The following DNAH5 variants were observed in gnomAD, a reference collection of about 807,000 sequenced individuals.
DNAH5 encodes axonemal beta dynein heavy chain 5.
A neutral mutation model predicts 518.2 loss-of-function variants in DNAH5; 372 were observed. That is an observed-to-expected ratio of 0.72 (90% CI 0.66 to 0.78). The LOEUF (loss-of-function observed/expected upper bound fraction) is 0.78, where lower values mean the gene tolerates loss of function less well. Ranked by LOEUF, DNAH5 falls within the 30% of genes least tolerant of loss-of-function variation. The pLI, the probability that DNAH5 is intolerant of heterozygous loss-of-function variation, is 0.00. For missense variants in DNAH5, 5,523 were observed against 5,687.0 expected (o/e 0.97, Z 0.93); for synonymous variants, 2,039 against 2,025.9 (o/e 1.01, Z -0.17).
chr5:13,701,513 A>T, intron 76 of DNAH5, 77 bp from the exon 77 acceptor site: 1 of 1,295,678 alleles, frequency 7.7e-7, no homozygotes, highest in Non-Finnish European at 1.1e-6. Context: ...TCACTGAAAA[A>T]AAAAAAAGAT....
chr5:13,944,665 T>C lies in DNAH5; in HGVS notation c.-227A>G, dbSNP rs1416898770. Reference sequence around the variant, plus strand: ...TAGAGTGTCTGCCCTGGGCCTCTCCTCTCTCTCGAAGCCTGGTGTTGTTAG... The same window carrying C: ...TAGAGTGTCTGCCCTGGGCCTCTCCCCTCTCTCGAAGCCTGGTGTTGTTAG... On this transcript the variant is annotated 5_prime_UTR_variant, in exon 1 of 79. Coordinates refer to ENST00000265104, the MANE Select transcript of DNAH5 (RefSeq NM_001369.3). 8.8e-6 allele frequency: 5 copies of C among 565,540 alleles called. No homozygotes were observed. Among genetic ancestry groups the C allele is most frequent in the African/African-American group, 1.9e-5 (1 of 53,132 alleles). 35.0% of individuals were successfully genotyped at this position (565,540 alleles called of 1,614,324 possible).
intron 17 of DNAH5, among the ~76,000 whole-genome samples, chr5:13,886,864 A>G (rs1172588028): frequency 1.3e-5 from 2 of 152,250 alleles, no homozygotes; most frequent in Admixed American, 1.3e-4. Flanking sequence ...GTGATATAGT[A>G]GAACTCACTG....
rs746946396 is a variant in DNAH5 at position 13,770,789 on chromosome 5, A to G, written c.9565T>C (p.Tyr3189His). 2 of 1,614,022 alleles carry G rather than the reference A, an allele frequency of 1.2e-6. No homozygotes were observed. Among genetic ancestry groups the G allele is most frequent in the Non-Finnish European group, 1.7e-6 (2 of 1,179,962 alleles). Residue 3189 changes from tyrosine (Y) to histidine (H), a missense_variant, in exon 56 of 79, where the codon TAT becomes CAT. Around this residue, in one of 3 missense-constraint regions of DNAH5, gnomAD observed 5,121 missense variants for 5,223.3 expected, o/e 0.98. Coordinates refer to ENST00000265104, the MANE Select transcript of DNAH5 (RefSeq NM_001369.3). Reference protein sequence around the residue: ...LSFIQGYKFIYGEKHVEVRTL... With the variant: ...LSFIQGYKFIHGEKHVEVRTL... Reference sequence around the variant, plus strand: ...CGCACCTCCACATGCTTTTCTCCATATATGAACTTATAGCCCTGAATAAAG... The same window carrying G: ...CGCACCTCCACATGCTTTTCTCCATGTATGAACTTATAGCCCTGAATAAAG...
chr5:13,808,990 G>A (rs1446928903), intron 46 of DNAH5, 54 bp downstream of exon 46: 10 of 1,589,976 alleles, frequency 6.3e-6, no homozygotes, highest in Non-Finnish European at 8.6e-6. Flanking sequence ...AATGCAGGAT[G>A]CTTCATGTCT....
At chr5:13,886,205 T>A (rs1428362255) in intron 17 of DNAH5, 76 bp from the exon 18 acceptor site, 31 of 1,421,202 alleles carry the variant, frequency 2.2e-5, no homozygotes, top group Non-Finnish European at 2.9e-5. Flanking sequence ...ACAGAAACAG[T>A]GGTAGCAATG....
Position 13,777,318 on chromosome 5 carries a change from C to T in DNAH5, c.8989G>A (p.Val2997Ile), listed in dbSNP as rs748012431. 2 of 1,613,434 alleles carry T rather than the reference C, an allele frequency of 1.2e-6. No homozygotes were observed. The highest frequency in any genetic ancestry group is 1.7e-6 in the Non-Finnish European group (2 of 1,179,630). The change falls in exon 54 of 79, where the codon GTT becomes ATT. Residue 2997 changes from valine (V) to isoleucine (I), a missense_variant. Coordinates refer to ENST00000265104, the MANE Select transcript of DNAH5 (RefSeq NM_001369.3). Reference protein sequence around the residue: ...NTSNLMEDLKVLYRTAGQQGK... With the variant: ...NTSNLMEDLKILYRTAGQQGK... ...TGCTGACCAGCTGTTCGATACAAAACCTTCAGATCTTCCATCAGATTTGAT... is the reference window on the plus strand; with the variant it reads ...TGCTGACCAGCTGTTCGATACAAAATCTTCAGATCTTCCATCAGATTTGAT...
rs73046200 is a variant in DNAH5, at chr5:13,697,412, C to T, written c.13723+3228G>A. Among the ~76,000 whole-genome samples, 442 of 152,274 alleles carry T rather than the reference C, an allele frequency of 2.9e-3. 4 individuals are homozygous for T. Among genetic ancestry groups the T allele is most frequent in the African/African-American group, 0.01 (428 of 41,544 alleles). ...ACCTTCGTGTTCCTAATCTGATGCT[C>T]AACTCTCCCCTTCACAGGCTCTTCT... On this transcript the variant is annotated intron_variant, in intron 78 of 78. Transcript: ENST00000265104.
In DNAH5 at chr5:13,850,556, T is replaced by C. The variant is rs1766686311; in HGVS notation, c.5114+96A>G. 5.7e-6 allele frequency: 6 copies of C among 1,048,962 alleles called. No homozygotes were observed. The Admixed American group carries it at 9.1e-5, about 16-fold the overall frequency. The allele number at this position is 1,048,962 out of a possible 1,614,324, so 65.0% of individuals were successfully genotyped here. A position where few individuals can be genotyped will look rare whatever the true frequency, so the allele number is the denominator to read the frequency against. Reference sequence around the variant, plus strand: ...ACAGCTTTATATATAAATTCAGCCTTAGCAAAAGAAAACAAATTTGGCTAA... The same window carrying C: ...ACAGCTTTATATATAAATTCAGCCTCAGCAAAAGAAAACAAATTTGGCTAA... On this transcript the variant is annotated intron_variant, in intron 31 of 78. Coordinates refer to ENST00000265104, the MANE Select transcript of DNAH5 (RefSeq NM_001369.3).
At chr5:13,870,677 G>A in intron 24 of DNAH5, 90 bp downstream of exon 24, 1 of 1,161,940 alleles carries the variant, frequency 8.6e-7, no homozygotes, top group South Asian at 1.3e-5. Flanking sequence ...TAACCATTTA[G>A]TAACTTCACT....
intron 46 of DNAH5, among the ~76,000 whole-genome samples, chr5:13,808,711 G>A (rs1480105705): frequency 6.6e-6 from 1 of 151,398 alleles, no homozygotes; most frequent in Non-Finnish European, 1.5e-5. Flanking sequence ...TGTAATCCCA[G>A]CACTTTGGGA....
In DNAH5 at chr5:13,829,588, A is replaced by G. The variant is rs1580457865; in HGVS notation, c.6366T>C (p.Cys2122=). 2 of 1,614,120 alleles carry G rather than the reference A, an allele frequency of 1.2e-6. No homozygotes were observed. The highest frequency in any genetic ancestry group is 3.3e-5 in the Admixed American group (2 of 60,016). ...CCAAAACAACGTTGTCAATGAAGCC[A>G]CAACTAGCCAACTTCACCCTTATGA... The part of the protein sequence containing the change: ...QIIIRVKLAS[C]GFIDNVVLAR... The change falls in exon 38 of 79, where the codon TGT becomes TGC. Residue 2122 remains cysteine (C), a synonymous_variant. Transcript: ENST00000265104.
chr5:13,953,110 A>G (rs916978388), intron 1 of DNAH5, among the ~76,000 whole-genome samples: 1 of 152,242 alleles, frequency 6.6e-6, no homozygotes, highest in African/African-American at 2.4e-5. Flanking sequence ...CACATAAAGA[A>G]TAAGTTCATC....
intron 1 of DNAH5, among the ~76,000 whole-genome samples, chr5:13,970,864 A>G (rs2152056897): frequency 6.6e-6 from 1 of 152,232 alleles, no homozygotes; most frequent in Admixed American, 6.5e-5. Flanking sequence ...TACCTCAACT[A>G]TTCCCCCAAA....
chr5:13,886,180 C>G (rs573970139), intron 17 of DNAH5, 51 bp from the exon 18 acceptor site: 1 of 1,521,950 alleles, frequency 6.6e-7, no homozygotes, highest in South Asian at 1.2e-5. Context: ...TATGGTTTAT[C>G]TAGCTTTTGA....
chr5:13,717,634 G>T, intron 72 of DNAH5, 114 bp from the exon 73 acceptor site: 1 of 955,358 alleles, frequency 1.0e-6, no homozygotes, highest in Non-Finnish European at 1.6e-6. Flanking sequence ...ACTTACTTTG[G>T]ATTGTTTTTA....
intron 21 of DNAH5, among the ~76,000 whole-genome samples, chr5:13,879,888 C>T (rs1561493295): frequency 7.5e-6 from 1 of 132,956 alleles, no homozygotes; most frequent in Non-Finnish European, 1.7e-5. Context: ...AGGAAACATA[C>T]TCAGAGAAAT....
chr5:13,951,027 G>A (rs553499054), intron 1 of DNAH5, among the ~76,000 whole-genome samples: 3 of 152,098 alleles, frequency 2.0e-5, no homozygotes, highest in Non-Finnish European at 4.4e-5. Flanking sequence ...TTATTAATGT[G>A]ATGCTTCTTG....
rs979740459 is a variant in DNAH5, at chr5:13,865,923, T to C, written c.4117-17A>G. 7 of 1,460,232 alleles carry C rather than the reference T, an allele frequency of 4.8e-6. No individual in the cohort carries two copies. Among genetic ancestry groups the C allele is most frequent in the Non-Finnish European group, 3.8e-6 (4 of 1,041,298 alleles). The allele number at this position is 1,460,232 out of a possible 1,614,324, so 90.5% of individuals were successfully genotyped here. On this transcript the variant is annotated splice_polypyrimidine_tract_variant and intron_variant, in intron 26 of 78. Transcript: ENST00000265104. ...AAATTGATTCTAATAAAAACACAAG[T>C]GAAAACGCATCAAAATGATTTATAC...
intron 21 of DNAH5, among the ~76,000 whole-genome samples, chr5:13,878,358 G>T (rs941101327): frequency 1.3e-5 from 2 of 152,190 alleles, no homozygotes; most frequent in African/African-American, 4.8e-5. Flanking sequence ...CACCCCCTCA[G>T]AACAATGCAG....
Sources: allele counts gnomAD v4.1 joint callset (sites outside exome capture counted in the v4.1 genomes callset), GRCh38; gene constraint gnomAD v4.1.1; regional missense constraint gnomAD v4.1.1; transcripts MANE v1.5; gene names NCBI Gene and HGNC (gene_info 2026-07-23, HGNC 2026-07-21).